A2ML1: variants seen among roughly 807,000 people sequenced by gnomAD.
A2ML1 encodes alpha-2-macroglobulin-like protein 1.
A neutral mutation model predicts 181.9 loss-of-function variants in A2ML1; 161 were observed. The ratio of observed to expected loss-of-function variants is 0.89; its 90% CI spans 0.78 to 1.01. The LOEUF (loss-of-function observed/expected upper bound fraction) is 1.01, where lower values mean the gene tolerates loss of function less well. A2ML1 is among the 50% of genes least tolerant of loss of function. The probability of loss-of-function intolerance (pLI) is 0.00; values close to 1 mark genes in which losing one functional copy is unlikely to be tolerated. For missense variants in A2ML1, 1,670 were observed against 1,768.1 expected, an observed-to-expected ratio of 0.94 and a Z score of 1.00; for synonymous variants, 663 against 666.8, an observed-to-expected ratio of 0.99 and a Z score of 0.09.
intron 23 of A2ML1, among the ~76,000 whole-genome samples, chr12:8,856,726 G>T (rs1030648666): frequency 1.3e-5 from 2 of 151,982 alleles, no homozygotes; most frequent in Non-Finnish European, 2.9e-5. Context: ...GTGCCTCTCC[G>T]TGTCCCCTAG....
In A2ML1 at chr12:8,868,024, G is replaced by A; in HGVS notation, c.3900G>A (p.Leu1300=). The A allele has an allele frequency of 6.2e-7, 1 of 1,614,262 alleles. No individual in the cohort carries two copies. The highest frequency in any genetic ancestry group is 1.3e-5 in the African/African-American group (1 of 75,078). ...CCAATGTCCCTGGAATGTACACGTT[G>A]GAGGCCTCAGGCCAGGGCTGTGTCT... ...TLPNVPGMYT[L]EASGQGCVYV... is the part of the protein sequence containing the mutation. The change falls in exon 30 of 36, where the codon TTG becomes TTA. Residue 1300 remains leucine (L), a synonymous_variant. Transcript: ENST00000299698.
At chr12:8,858,199 G>C (rs1944138348) in intron 26 of A2ML1, 97 bp downstream of exon 26, 1 of 1,413,268 alleles carries the variant, frequency 7.1e-7, no homozygotes, top group Non-Finnish European at 9.4e-7. Context: ...CTGGGAATCA[G>C]TTTTCTCCTG....
chr12:8,856,324 C>T (rs186210609), intron 23 of A2ML1, among the ~76,000 whole-genome samples: 1 of 152,298 alleles, frequency 6.6e-6, no homozygotes, highest in Admixed American at 6.5e-5. Flanking sequence ...AGTTCACTGT[C>T]TATATCTGTC....
At chr12:8,872,825 T>C (rs2136987518) in intron 33 of A2ML1, among the ~76,000 whole-genome samples, 1 of 152,062 alleles carries the variant, frequency 6.6e-6, no homozygotes, top group Admixed American at 6.6e-5. Context: ...ATAACTATTT[T>C]CCAAAACAAA....
chr12:8,853,435 C>T (rs762500844), intron 20 of A2ML1, among the ~76,000 whole-genome samples: 29 of 152,286 alleles, frequency 1.9e-4, no homozygotes, highest in Middle Eastern at 3.4e-3. Flanking sequence ...CATAAAAGGA[C>T]AAACATTATC....
chr12:8,837,778 G>T lies in A2ML1; in HGVS notation c.855+212G>T, dbSNP rs111993047. On this transcript the variant is annotated intron_variant, in intron 8 of 35. Transcript: ENST00000299698. Reference sequence around the variant, plus strand: ...CACCTGAAATCCCAGCTACTTGGAGGCTGAGACAGGAGAATCACTTGAACC... The same window carrying T: ...CACCTGAAATCCCAGCTACTTGGAGTCTGAGACAGGAGAATCACTTGAACC... 5.9e-3 allele frequency among the ~76,000 whole-genome samples: 890 copies of T among 151,868 alleles called. 11 individuals are homozygous for T. Among genetic ancestry groups the T allele is most frequent in the East Asian group, 0.025 (128 of 5,130 alleles).
chr12:8,868,343 C>T lies in A2ML1; in HGVS notation c.4047C>T (p.Leu1349=), dbSNP rs1944495690. The T allele has an allele frequency of 1.9e-6, 3 of 1,613,026 alleles. No individual in the cohort carries two copies. Among genetic ancestry groups the T allele is most frequent in the Middle Eastern group, 1.7e-4 (1 of 6,056 alleles). Reference sequence around the variant, plus strand: ...CGACTTCACCTCGATCCTTGACTCTCACTATTCACACCAGGTGATTAAAGC... The same window carrying T: ...CGACTTCACCTCGATCCTTGACTCTTACTATTCACACCAGGTGATTAAAGC... ...EQPTSPRSLT[L]TIHTSYVGSR... Residue 1349 remains leucine, a synonymous_variant, in exon 31 of 36, where the codon CTC becomes CTT. Transcript: ENST00000299698.
At chr12:8,862,095 T>C (rs1435570318) in intron 28 of A2ML1, among the ~76,000 whole-genome samples, 2 of 152,114 alleles carry the variant, frequency 1.3e-5, no homozygotes, top group East Asian at 3.9e-4. Context: ...AGAAACTACA[T>C]TGAAGAAGCT....
chr12:8,828,279 G>A (rs117342906), intron 3 of A2ML1, among the ~76,000 whole-genome samples: 1,538 of 152,240 alleles, frequency 0.01, 13 homozygotes, highest in Non-Finnish European at 0.016. Context: ...TCTACCTGGT[G>A]TTCTGTTCTA....
intron 23 of A2ML1, among the ~76,000 whole-genome samples, chr12:8,855,802 GAGTC>G (rs1944045557): frequency 6.6e-6 from 1 of 152,176 alleles, no homozygotes; most frequent in Non-Finnish European, 1.5e-5. Context: ...AAATGGAAGA[GAGTC>G]AGGGTAGGAA....
chr12:8,878,753 C>T (rs114914569), downstream of A2ML1, among the ~76,000 whole-genome samples: 78 of 152,254 alleles, frequency 5.1e-4, no homozygotes, highest in African/African-American at 1.8e-3. This position sits in a 1 kb window ranked among gnomAD's most constrained non-coding sequence, Gnocchi z 4.4. Flanking sequence ...CGCTTGAGCT[C>T]TGAGTTCGAG....
chr12:8,873,246 T>TC, intron 33 of A2ML1, among the ~76,000 whole-genome samples: 1 of 151,756 alleles, frequency 6.6e-6, no homozygotes, highest in East Asian at 1.9e-4. Flanking sequence ...AATACGATTT[T>TC]TTTTTTTTTT....
At position 8,845,344 on chromosome 12, in the gene A2ML1, C is replaced by A. The variant is rs1354786564; in HGVS notation, c.1477-98C>A. The stretch of plus-strand genomic sequence containing the variant: ...CCCGGACTCTGAACTGTGAAAGGAA[C>A]CTCTCCTCATGAAGGGATGCAGAGA... On this transcript the variant is annotated intron_variant, in intron 12 of 35. Transcript: ENST00000299698. The A allele has an allele frequency of 4.1e-6, 6 of 1,460,122 alleles. No homozygotes were observed. In the South Asian group the frequency reaches 6.9e-5, roughly 17 times the overall value. 90.4% of individuals were successfully genotyped at this position (1,460,122 alleles called of 1,614,324 possible).
downstream of A2ML1, among the ~76,000 whole-genome samples, chr12:8,879,240 C>G (rs985574041): frequency 6.6e-6 from 1 of 151,992 alleles, no homozygotes; most frequent in African/African-American, 2.4e-5. Flanking sequence ...ACCTGTAATC[C>G]CAGCAGTTTT....
Position 8,852,438 on chromosome 12 carries a change from T to G in A2ML1, c.2590+102T>G. 1 of 1,518,974 alleles carries G rather than the reference T, an allele frequency of 6.6e-7. No individual in the cohort carries two copies. The highest frequency in any genetic ancestry group is 8.9e-7 in the Non-Finnish European group (1 of 1,118,700). The allele number at this position is 1,518,974 out of a possible 1,614,324, so 94.1% of individuals were successfully genotyped here. A position where few individuals can be genotyped will look rare whatever the true frequency, so the allele number is the denominator to read the frequency against. On this transcript the variant is annotated intron_variant, in intron 20 of 35. Transcript: ENST00000299698. The surrounding 1 kb of genome is among the most constrained non-coding windows in gnomAD (Gnocchi z 4.2). ...CTGCCACATCTGCTTTGCTTCCTCCTCCATTTTCCACTATTTTTCTCCCTC... is the reference window on the plus strand; with the variant it reads ...CTGCCACATCTGCTTTGCTTCCTCCGCCATTTTCCACTATTTTTCTCCCTC...
At chr12:8,857,417 C>G in intron 24 of A2ML1, 77 bp downstream of exon 24, 10 of 1,606,364 alleles carry the variant, frequency 6.2e-6, no homozygotes, top group Non-Finnish European at 8.5e-6. Context: ...ACAGGGAATT[C>G]CAGCCCCTCA....
chr12:8,842,311 C>G lies in A2ML1; in HGVS notation c.1248+775C>G, dbSNP rs191385304. ...CGGCTCACTGCAAGCTCCGCCTCCCCGGTTCACGCCATTCTCCTGCCTCAG... is the reference window on the plus strand; with the variant it reads ...CGGCTCACTGCAAGCTCCGCCTCCCGGGTTCACGCCATTCTCCTGCCTCAG... On this transcript the variant is annotated intron_variant, in intron 11 of 35. Transcript: ENST00000299698. Among the ~76,000 whole-genome samples, 15 of 151,976 alleles carry G rather than the reference C, an allele frequency of 9.9e-5. No homozygotes were observed. In the South Asian group the frequency reaches 1.0e-3, roughly 11 times the overall value.
At chr12:8,840,272 A>G (rs4497462) in intron 10 of A2ML1, among the ~76,000 whole-genome samples, 135,383 of 151,452 alleles carry the variant, frequency 0.89, 62,203 homozygotes, top group East Asian at 1. Flanking sequence ...AGGCACGAGA[A>G]TGGCTTGAAC....
In A2ML1 at chr12:8,872,297, C is replaced by A. The variant is rs182886468; in HGVS notation, c.4222-2128C>A. 9.2e-5 allele frequency among the ~76,000 whole-genome samples: 14 copies of A among 151,944 alleles called. No homozygotes were observed. In the East Asian group the frequency reaches 2.3e-3, roughly 25 times the overall value. ...GAAAAGAACAGTGGTTCTAAAAATTCTTTGTTTCAGTGTCCCTTTATACTC... is the reference window on the plus strand; with the variant it reads ...GAAAAGAACAGTGGTTCTAAAAATTATTTGTTTCAGTGTCCCTTTATACTC... On this transcript the variant is annotated intron_variant, in intron 33 of 35. Transcript: ENST00000299698.
Sources: gnomAD v4.1 joint callset for allele counts (sites outside exome capture counted in the v4.1 genomes callset) on GRCh38, gnomAD v4.1.1 for gene constraint, Gnocchi (gnomAD v3.1) non-coding constraint, MANE v1.5 for transcripts, NCBI Gene and HGNC (gene_info 2026-07-23, HGNC 2026-07-21) for gene names.